DCHS1: variants seen among roughly 807,000 people sequenced by gnomAD.
The protein encoded by DCHS1 is dachsous cadherin-related 1.
Under a neutral mutation model 213.9 loss-of-function variants are expected in DCHS1, and 78 were observed. That is an observed-to-expected ratio of 0.36 (90% CI 0.30 to 0.44). The LOEUF (loss-of-function observed/expected upper bound fraction) is 0.44. Among genes scored for constraint, DCHS1 ranks in the 20% least tolerant of loss-of-function variants. The pLI is 1.00. For missense variants in DCHS1, 3,946 were observed against 4,395.9 expected (o/e 0.90, Z 2.89); for synonymous variants, 1,828 against 1,873.7 (o/e 0.98, Z 0.63).
intron 6 of DCHS1, 36 bp downstream of exon 6, chr11:6,631,995 G>T: frequency 1.3e-6 from 2 of 1,495,968 alleles, no homozygotes; most frequent in Non-Finnish European, 1.8e-6. Flanking sequence ...TGGGGATAAG[G>T]CTATGCGGTC....
chr11:6,632,583 G>T lies in DCHS1; in HGVS notation c.2929C>A (p.Pro977Thr). Residue 977 changes from proline (P) to threonine (T), a missense_variant, in exon 6 of 21, where the codon CCA (proline) becomes ACA (threonine). Transcript: ENST00000299441. This position sits in a 1 kb window ranked among gnomAD's most constrained non-coding sequence, Gnocchi z 5.9. ...CGTAGTCGAAAGTGGCTGGTGCGTG[G>T]TGGGGAGCCCCCATCCCGGGCCTCC... The part of the protein sequence containing the change: ...ELEARDGGSP[P>T]RTSHFRLRVV... 6.6e-7 allele frequency: 1 copy of T among 1,513,882 alleles called. No homozygotes were observed. 93.8% of individuals were successfully genotyped at this position (1,513,882 alleles called of 1,614,324 possible). A position where few individuals can be genotyped will look rare whatever the true frequency, so the allele number is the denominator to read the frequency against.
intron 5 of DCHS1, 30 bp from the exon 6 acceptor site, chr11:6,633,086 G>C: frequency 6.4e-7 from 1 of 1,568,818 alleles, no homozygotes; most frequent in Non-Finnish European, 8.7e-7. Flanking sequence ...GATCAGGAAA[G>C]AGATGGAGGG....
Position 6,630,569 on chromosome 11 carries a change from C to T in DCHS1, c.4225G>A (p.Ala1409Thr). 6.5e-7 allele frequency: 1 copy of T among 1,539,934 alleles called. No homozygotes were observed. The highest frequency in any genetic ancestry group is 1.2e-5 in the South Asian group (1 of 84,480). ...GCGCCCGCGCCTCCCGGCCCCTCAGCGCGTACCGTAAGCGCGCGCCACGGC... is the reference window on the plus strand; with the variant it reads ...GCGCCCGCGCCTCCCGGCCCCTCAGTGCGTACCGTAAGCGCGCGCCACGGC... ...GPPWRALTVR[A>T]EGPGGAGARL... The change falls in exon 10 of 21, where the codon GCT (alanine) becomes ACT (threonine). Residue 1409 changes from alanine to threonine, a missense_variant. Physicochemically the swap from Ala to Thr is moderately conservative, Grantham distance 58. Transcript: ENST00000299441.
Position 6,631,360 on chromosome 11 carries a change from C to T in DCHS1, c.3723G>A (p.Ala1241=), listed in dbSNP as rs770802504. ...PPGTLVTTLQ[A]KDPDEGENGT... ...CATTCTCCCCCTCATCTGGATCCTT[C>T]GCCTGCAGAGTCGTCACCAGTGTTC... The change falls in exon 8 of 21, where the codon GCG becomes GCA. Residue 1241 remains alanine, a synonymous_variant. Coordinates refer to ENST00000299441, the MANE Select transcript of DCHS1 (RefSeq NM_003737.4). 58 of 1,613,854 alleles carry T rather than the reference C, an allele frequency of 3.6e-5. No individual in the cohort carries two copies. Among genetic ancestry groups the T allele is most frequent in the Non-Finnish European group, 7.6e-6 (9 of 1,179,888 alleles).
At chr11:6,637,307 A>C (rs528803673) in intron 2 of DCHS1, among the ~76,000 whole-genome samples, 14 of 152,156 alleles carry the variant, frequency 9.2e-5, no homozygotes, top group Non-Finnish European at 1.6e-4. Flanking sequence ...CAGCATTCTC[A>C]GCCTCTACCC....
At chr11:6,629,117 G>A (rs1351927735) in intron 12 of DCHS1, among the ~76,000 whole-genome samples, 1 of 152,196 alleles carries the variant, frequency 6.6e-6, no homozygotes, top group Non-Finnish European at 1.5e-5. Context: ...CCACTTCCAA[G>A]CTGCATGAGC....
chr11:6,629,865 C>T lies in DCHS1; in HGVS notation c.4842G>A (p.Glu1614=). The T allele has an allele frequency of 6.2e-7, 1 of 1,613,062 alleles. No individual in the cohort carries two copies. The highest frequency in any genetic ancestry group is 1.1e-5 in the South Asian group (1 of 91,068). Reference sequence around the variant, plus strand: ...CTGAGGCCACCACTGTCAGTACGTGCTCAGCTCGTTGTTCGCGGTCCAACG... The same window carrying T: ...CTGAGGCCACCACTGTCAGTACGTGTTCAGCTCGTTGTTCGCGGTCCAACG... ...VRPLDREQRA[E]HVLTVVASDH... The change falls in exon 11 of 21, where the codon GAG becomes GAA. Residue 1614 remains glutamate (E), a synonymous_variant. Coordinates refer to ENST00000299441, the MANE Select transcript of DCHS1 (RefSeq NM_003737.4).
chr11:6,639,063 T>C (rs1387670829), intron 2 of DCHS1, among the ~76,000 whole-genome samples: 1 of 150,670 alleles, frequency 6.6e-6, no homozygotes, highest in Non-Finnish European at 1.5e-5. Context: ...TGAGCCCAGA[T>C]CATGCCACCG....
In DCHS1 at chr11:6,625,346, A is replaced by C; in HGVS notation, c.6998T>G (p.Leu2333Arg). Residue 2333 changes from leucine to arginine, a missense_variant, in exon 19 of 21, where the codon CTC becomes CGC. Physicochemically the swap from Leu to Arg is moderately radical, Grantham distance 102. This residue lies in a region of DCHS1 where 3,384 missense variants were observed against 3,780.1 expected (regional missense o/e 0.90). Coordinates refer to ENST00000299441, the MANE Select transcript of DCHS1 (RefSeq NM_003737.4). The surrounding 1 kb of genome is among the most constrained non-coding windows in gnomAD (Gnocchi z 5.3). ...SVGRYGGRVSLTGPLDFEQCD... is the reference protein window; with the variant it reads ...SVGRYGGRVSRTGPLDFEQCD... Reference sequence around the variant, plus strand: ...CTGCTCAAAGTCCAGGGGCCCCGTGAGGGAGACACGGCCTCCATAGCGGCC... The same window carrying C: ...CTGCTCAAAGTCCAGGGGCCCCGTGCGGGAGACACGGCCTCCATAGCGGCC... The C allele has an allele frequency of 6.2e-7, 1 of 1,613,778 alleles. No homozygotes were observed. The highest frequency in any genetic ancestry group is 8.5e-7 in the Non-Finnish European group (1 of 1,179,854).
At position 6,623,070 on chromosome 11, in the gene DCHS1, T is replaced by C; in HGVS notation, c.8606A>G (p.Tyr2869Cys). The change falls in exon 21 of 21, where the codon TAC becomes TGC. Residue 2869 changes from tyrosine to cysteine, a missense_variant. This residue lies in a region of DCHS1 where 554 missense variants were observed against 590.2 expected (regional missense o/e 0.94). Transcript: ENST00000299441. ...FGINQTTGAL[Y>C]LRVDSRAPGS... ...TGGTGCCCGACTGTCCACCCGCAGGTACAGGGCTCCTGTAGTCTGGTTAAT... is the reference window on the plus strand; with the variant it reads ...TGGTGCCCGACTGTCCACCCGCAGGCACAGGGCTCCTGTAGTCTGGTTAAT... The C allele has an allele frequency of 2.5e-6, 4 of 1,589,670 alleles. No homozygotes were observed. Among genetic ancestry groups the C allele is most frequent in the Non-Finnish European group, 3.4e-6 (4 of 1,168,180 alleles).
chr11:6,638,691 T>A (rs566530052), intron 2 of DCHS1, among the ~76,000 whole-genome samples: 1 of 152,206 alleles, frequency 6.6e-6, no homozygotes, highest in Non-Finnish European at 1.5e-5. Context: ...GTGACCACCC[T>A]GGGAACAGGA....
rs758007512 is a variant in DCHS1, at chr11:6,630,444, C to T, written c.4350G>A (p.Glu1450=). The T allele has an allele frequency of 6.0e-6, 9 of 1,508,982 alleles. No individual in the cohort carries two copies. The highest frequency in any genetic ancestry group is 7.1e-6 in the Non-Finnish European group (8 of 1,133,668). 93.5% of individuals were successfully genotyped at this position (1,508,982 alleles called of 1,614,324 possible). A position where few individuals can be genotyped will look rare whatever the true frequency, so the allele number is the denominator to read the frequency against. ...GGAAAGTGTACAGCGCTGCGCCGGG[C>T]TCCGGGTTCTCTGGCAGCGCCAGCG... is the stretch of plus-strand genomic sequence containing the variant. The part of the protein sequence containing the change: ...PLALALPENP[E]PGAALYTFRA... The change falls in exon 10 of 21, where the codon GAG becomes GAA. Residue 1450 remains glutamate (E), a synonymous_variant. Transcript: ENST00000299441.
rs147155247 is a variant in DCHS1, at chr11:6,627,449, C to T, written c.5590G>A (p.Val1864Met). ...AFPVPAYSVE[V>M]PEDVPAGTLL... ...GTCCCTGCAGGCACATCCTCCGGCACCTCCACCGAGTAGGCAGGCACAGGA... is the reference window on the plus strand; with the variant it reads ...GTCCCTGCAGGCACATCCTCCGGCATCTCCACCGAGTAGGCAGGCACAGGA... The change falls in exon 14 of 21, where the codon GTG becomes ATG. Residue 1864 changes from valine to methionine, a missense_variant. By Grantham distance (21) the Val-to-Met change is conservative (BLOSUM62 1). This residue lies in a region of DCHS1 where 3,384 missense variants were observed against 3,780.1 expected (regional missense o/e 0.90). Coordinates refer to ENST00000299441, the MANE Select transcript of DCHS1 (RefSeq NM_003737.4). This position sits in a 1 kb window ranked among gnomAD's most constrained non-coding sequence, Gnocchi z 5.4. 1.7e-5 allele frequency: 28 copies of T among 1,611,086 alleles called. No individual in the cohort carries two copies. The African/African-American group carries it at 3.5e-4, about 20-fold the overall frequency.
chr11:6,622,561 C>G lies in DCHS1; in HGVS notation c.9115G>C (p.Ala3039Pro), dbSNP rs912004965. 1.0e-5 allele frequency: 16 copies of G among 1,580,712 alleles called. No homozygotes were observed. Among genetic ancestry groups the G allele is most frequent in the Non-Finnish European group, 1.4e-5 (16 of 1,164,060 alleles). The change falls in exon 21 of 21, where the codon GCA becomes CCA. Residue 3039 changes from alanine to proline, a missense_variant. Around this residue, in one of 3 missense-constraint regions of DCHS1, gnomAD observed 554 missense variants for 590.2 expected, o/e 0.94. Transcript: ENST00000299441. The surrounding 1 kb of genome is among the most constrained non-coding windows in gnomAD (Gnocchi z 5.4). Reference sequence around the variant, plus strand: ...ATCATGCGGATCTCATCATCCTCTGCAGCCTCTGCTGATCCTCGGCCACTT... The same window carrying G: ...ATCATGCGGATCTCATCATCCTCTGGAGCCTCTGCTGATCCTCGGCCACTT... ...HSSGRGSAEA[A>P]EDDEIRMINE...
At position 6,626,086 on chromosome 11, in the gene DCHS1, A is replaced by G. The variant is rs1338987020; in HGVS notation, c.6577-12T>C. The G allele has an allele frequency of 1.6e-5, 26 of 1,606,142 alleles. No individual in the cohort carries two copies. The highest frequency in any genetic ancestry group is 2.0e-5 in the Non-Finnish European group (24 of 1,176,344). On this transcript the variant is annotated splice_polypyrimidine_tract_variant and intron_variant, in intron 16 of 20. Coordinates refer to ENST00000299441, the MANE Select transcript of DCHS1 (RefSeq NM_003737.4). The surrounding 1 kb of genome is among the most constrained non-coding windows in gnomAD (Gnocchi z 5.2). The stretch of plus-strand genomic sequence containing the variant: ...TCATCCGCCTCCACCTGGTGAGGGT[A>G]GGAGGCTGCTGGGACTGGTCTGGCC...
rs756474074 is a variant in DCHS1 at position 6,631,157 on chromosome 11, C to T, written c.3826G>A (p.Ala1276Thr). The T allele has an allele frequency of 4.7e-5, 75 of 1,612,220 alleles. 1 individual carries two copies. The South Asian group carries it at 7.8e-4, about 17-fold the overall frequency. The change falls in exon 9 of 21, where the codon GCA (alanine) becomes ACA (threonine). Residue 1276 changes from alanine to threonine, a missense_variant. By Grantham distance (58) the Ala-to-Thr change is moderately conservative (BLOSUM62 0). Around this residue, in one of 3 missense-constraint regions of DCHS1, gnomAD observed 3,384 missense variants for 3,780.1 expected, o/e 0.90. Transcript: ENST00000299441. The part of the protein sequence containing the change: ...LHPHSGELLT[A>T]APLIRAERPH... Reference sequence around the variant, plus strand: ...CGCTCTGCTCGGATCAGGGGAGCTGCAGTGAGCAGCTCCCCTGAGTGAGGG... The same window carrying T: ...CGCTCTGCTCGGATCAGGGGAGCTGTAGTGAGCAGCTCCCCTGAGTGAGGG...
intron 1 of DCHS1, among the ~76,000 whole-genome samples, chr11:6,654,662 T>C (rs1290482872): frequency 6.6e-6 from 1 of 152,104 alleles, no homozygotes; most frequent in African/African-American, 2.4e-5. Context: ...CCTGGAAGTG[T>C]ATGATGGCTG....
chr11:6,647,352 AAGG>A (rs1485882247), intron 1 of DCHS1, among the ~76,000 whole-genome samples: 2 of 152,022 alleles, frequency 1.3e-5, no homozygotes, highest in African/African-American at 4.8e-5. Context: ...GAGCTGGAAG[AAGG>A]AGGAGGGGGC....
chr11:6,638,156 A>G (rs1237403599), intron 2 of DCHS1, among the ~76,000 whole-genome samples: 1 of 152,234 alleles, frequency 6.6e-6, no homozygotes, highest in Non-Finnish European at 1.5e-5. Flanking sequence ...GAGTCTGGCC[A>G]GAGGACAAGA....
Sources: gnomAD v4.1 joint callset for allele counts (sites outside exome capture counted in the v4.1 genomes callset) on GRCh38, gnomAD v4.1.1 for gene constraint, gnomAD v4.1.1 regional missense constraint, Gnocchi (gnomAD v3.1) non-coding constraint, MANE v1.5 for transcripts, NCBI Gene and HGNC (gene_info 2026-07-23, HGNC 2026-07-21) for gene names.